The following ARHGEF4 variants were observed in gnomAD, a reference collection of about 807,000 sequenced individuals.
ARHGEF4 encodes the protein Rho guanine nucleotide exchange factor 4, also known as APC-stimulated guanine nucleotide exchange factor 1.
A neutral mutation model predicts 162.0 loss-of-function variants in ARHGEF4; 119 were observed. The ratio of observed to expected loss-of-function variants is 0.73; its 90% CI spans 0.63 to 0.86. ARHGEF4 has a LOEUF of 0.86. ARHGEF4 is among the 40% of genes least tolerant of loss of function. The pLI, the probability that ARHGEF4 is intolerant of heterozygous loss-of-function variation, is 0.00. For missense variants in ARHGEF4, 2,488 were observed against 2,456.0 expected, an observed-to-expected ratio of 1.01 and a Z score of -0.28; for synonymous variants, 1,014 against 979.9, an observed-to-expected ratio of 1.03 and a Z score of -0.65.
chr2:130,875,242 T>C (rs1467821494), intron 1 of ARHGEF4, among the ~76,000 whole-genome samples: 8 of 152,192 alleles, frequency 5.3e-5, no homozygotes, highest in African/African-American at 1.9e-4. Context: ...GATTAGCGCA[T>C]TGCTTGGCTT....
In ARHGEF4 at chr2:130,891,701, C is replaced by T. The variant is rs114416618; in HGVS notation, c.40-22285C>T. Among the ~76,000 whole-genome samples the T allele has an allele frequency of 3.9e-3, 589 of 152,236 alleles. 1 individual carries two copies. Among genetic ancestry groups the T allele is most frequent in the Middle Eastern group, 0.014 (4 of 294 alleles). On this transcript the variant is annotated intron_variant, in intron 1 of 13. Coordinates refer to ENST00000409359, the MANE Select transcript of ARHGEF4 (RefSeq NM_001367493.1). ...TGCTTCTGTGCATGCACGTCCCTGG[C>T]GTCTCTTCTTACCAGGACACCAGTT...
intron 4 of ARHGEF4, among the ~76,000 whole-genome samples, chr2:130,984,498 C>T (rs1020613490): frequency 5.9e-5 from 9 of 152,058 alleles, no homozygotes; most frequent in Non-Finnish European, 1.0e-4. Context: ...CAAGACCAGC[C>T]TGGCAAACAT....
At chr2:130,969,461 TG>T (rs1685217736) in intron 4 of ARHGEF4, among the ~76,000 whole-genome samples, 1 of 151,796 alleles carries the variant, frequency 6.6e-6, no homozygotes. Flanking sequence ...TAGCCGGGCA[TG>T]GTGGTGGGTG....
At chr2:130,994,583 A>G (rs991543101) in intron 4 of ARHGEF4, among the ~76,000 whole-genome samples, 2 of 152,146 alleles carry the variant, frequency 1.3e-5, no homozygotes, top group African/African-American at 4.8e-5. Context: ...GTTGTTTTGT[A>G]AAGTTCATGT....
chr2:131,032,848 C>CTTTTTTTTTTTTTTTTTTTT (rs111971610), intron 5 of ARHGEF4, among the ~76,000 whole-genome samples: 1 of 128,618 alleles, frequency 7.8e-6, no homozygotes, highest in African/African-American at 3.4e-5. Context: ...TTTCTTTTTT[C>CTTTTTTTTTTTTTTTTTTTT]TTTTTTTTTT....
chr2:130,951,519 A>G (rs1179077624), intron 4 of ARHGEF4, among the ~76,000 whole-genome samples: 1 of 152,146 alleles, frequency 6.6e-6, no homozygotes, highest in African/African-American at 2.4e-5. Context: ...CACAACATTT[A>G]TTGATTAAAT....
intron 1 of ARHGEF4, among the ~76,000 whole-genome samples, chr2:130,838,067 G>A (rs373177448): frequency 2.6e-5 from 4 of 152,220 alleles, no homozygotes; most frequent in African/African-American, 7.2e-5. Context: ...CGAAGTGATC[G>A]CTGGCATCAA....
intron 4 of ARHGEF4, among the ~76,000 whole-genome samples, chr2:131,023,481 T>C (rs1689278286): frequency 6.6e-6 from 1 of 152,122 alleles, no homozygotes; most frequent in South Asian, 2.1e-4. Flanking sequence ...AAAGAGGATA[T>C]ATGGCAAGTA....
chr2:130,947,974 A>G (rs1294216392), intron 4 of ARHGEF4, among the ~76,000 whole-genome samples: 1 of 152,232 alleles, frequency 6.6e-6, no homozygotes, highest in Non-Finnish European at 1.5e-5. Flanking sequence ...AAAACAAAAC[A>G]GCCACACCTG....
chr2:130,974,630 T>C (rs912185510), intron 4 of ARHGEF4, among the ~76,000 whole-genome samples: 1 of 146,374 alleles, frequency 6.8e-6, no homozygotes, highest in African/African-American at 2.7e-5. Context: ...TTTTTTTTTT[T>C]TTTGTATTTT....
chr2:130,987,669 G>A (rs1426983953), intron 4 of ARHGEF4, among the ~76,000 whole-genome samples: 1 of 152,176 alleles, frequency 6.6e-6, no homozygotes, highest in Non-Finnish European at 1.5e-5. Flanking sequence ...AGTTCCCCAA[G>A]TCCGCACTCG....
At chr2:131,039,918 G>C in intron 6 of ARHGEF4, 98 bp from the exon 7 acceptor site, 2 of 1,484,968 alleles carry the variant, frequency 1.3e-6, no homozygotes, top group Non-Finnish European at 1.8e-6. Flanking sequence ...CGTACACCCT[G>C]CGGGGCCTCC....
chr2:130,907,502 C>A (rs544933544), intron 1 of ARHGEF4, among the ~76,000 whole-genome samples: 31 of 151,416 alleles, frequency 2.0e-4, no homozygotes, highest in Non-Finnish European at 4.6e-4. Flanking sequence ...CAGGCATGAG[C>A]CACCATGCCC....
At chr2:130,958,902 G>C (rs565472932) in intron 4 of ARHGEF4, among the ~76,000 whole-genome samples, 1 of 151,726 alleles carries the variant, frequency 6.6e-6, no homozygotes, top group East Asian at 1.9e-4. Flanking sequence ...AGCAGATGTT[G>C]AATGGCTGTG....
chr2:130,940,831 C>CAA (rs1196586339), intron 3 of ARHGEF4, among the ~76,000 whole-genome samples: 2 of 43,386 alleles, frequency 4.6e-5, no homozygotes, highest in African/African-American at 8.9e-5. Context: ...GACTCCGTCT[C>CAA]AAAAAAAAAA....
chr2:130,920,134 C>T (rs1176275418), intron 2 of ARHGEF4, among the ~76,000 whole-genome samples: 1 of 151,954 alleles, frequency 6.6e-6, no homozygotes, highest in Non-Finnish European at 1.5e-5. Flanking sequence ...TTTGATTCAG[C>T]GTCTTGCTCT....
chr2:130,928,313 G>C (rs1223349460), intron 2 of ARHGEF4, among the ~76,000 whole-genome samples: 1 of 152,210 alleles, frequency 6.6e-6, no homozygotes, highest in Non-Finnish European at 1.5e-5. Flanking sequence ...TTATTGAGAA[G>C]ATACAGGATT....
chr2:130,979,808 A>G (rs998676840), intron 4 of ARHGEF4, among the ~76,000 whole-genome samples: 2 of 152,006 alleles, frequency 1.3e-5, no homozygotes, highest in African/African-American at 4.8e-5. Flanking sequence ...TTTCAGACAG[A>G]CACCCAATAT....
chr2:131,002,610 T>C (rs1687849573), intron 4 of ARHGEF4, among the ~76,000 whole-genome samples: 1 of 149,086 alleles, frequency 6.7e-6, no homozygotes, highest in Admixed American at 6.9e-5. Context: ...CTTCAGAGGC[T>C]GAAGCAGGAG....
Sources: allele counts gnomAD v4.1 joint callset (sites outside exome capture counted in the v4.1 genomes callset), GRCh38; gene constraint gnomAD v4.1.1; transcripts MANE v1.5; gene names NCBI Gene and HGNC (gene_info 2026-07-23, HGNC 2026-07-21).